IQCM: variants seen among roughly 807,000 people sequenced by gnomAD.
IQCM encodes the protein IQ domain-containing protein M.
Under a neutral mutation model 57.6 loss-of-function variants are expected in IQCM, and 45 were observed. The ratio of observed to expected loss-of-function variants is 0.78; its 90% CI spans 0.62 to 1.00. The LOEUF (loss-of-function observed/expected upper bound fraction) is 1.00. Among genes scored for constraint, IQCM ranks in the 50% least tolerant of loss-of-function variants. The probability of loss-of-function intolerance (pLI) is 0.00; values close to 1 mark genes in which losing one functional copy is unlikely to be tolerated. For synonymous variants in IQCM, 148 were observed against 158.9 expected, an observed-to-expected ratio of 0.93 and a Z score of 0.51; for missense variants, 468 against 511.6, an observed-to-expected ratio of 0.91 and a Z score of 0.82.
chr4:149,724,386 A>G (rs544736872), intron 5 of IQCM, among the ~76,000 whole-genome samples: 28 of 152,192 alleles, frequency 1.8e-4, no homozygotes, highest in African/African-American at 6.7e-4. Flanking sequence ...TTAAAGCATT[A>G]TTACAATTTA....
At chr4:149,420,280 G>T (rs1472304154) in intron 13 of IQCM, among the ~76,000 whole-genome samples, 3 of 151,986 alleles carry the variant, frequency 2.0e-5, no homozygotes, top group Non-Finnish European at 4.4e-5. Context: ...AAGAAAATGT[G>T]GTACATATAC....
At chr4:149,410,684 C>T (rs1204312163) in intron 13 of IQCM, among the ~76,000 whole-genome samples, 1 of 151,584 alleles carries the variant, frequency 6.6e-6, no homozygotes, top group East Asian at 1.9e-4. Context: ...TTATGAAGAG[C>T]TATTTTCAAT....
At chr4:149,528,178 G>C (rs1341615283) in intron 12 of IQCM, among the ~76,000 whole-genome samples, 1 of 151,864 alleles carries the variant, frequency 6.6e-6, no homozygotes, top group African/African-American at 2.4e-5. Flanking sequence ...TAGAGATGGG[G>C]TTTCACCACG....
chr4:149,582,335 T>C (rs866195996), intron 9 of IQCM, among the ~76,000 whole-genome samples: 1 of 34,084 alleles, frequency 2.9e-5, no homozygotes, highest in Admixed American at 2.2e-4. Context: ...TATATATATA[T>C]ATATATATAT....
At chr4:149,432,614 A>G (rs1467104098) in intron 13 of IQCM, among the ~76,000 whole-genome samples, 3 of 152,056 alleles carry the variant, frequency 2.0e-5, no homozygotes, top group Admixed American at 6.6e-5. Flanking sequence ...AGCATGCAAT[A>G]AAGAAACACA....
chr4:149,403,307 G>C (rs17488744), intron 13 of IQCM, among the ~76,000 whole-genome samples: 33,198 of 151,840 alleles, frequency 0.22, 4,566 homozygotes, highest in Non-Finnish European at 0.3. Context: ...TATGTCCAAA[G>C]CACTTACGTA....
At chr4:149,477,179 A>G (rs2149742125) in intron 12 of IQCM, among the ~76,000 whole-genome samples, 1 of 152,348 alleles carries the variant, frequency 6.6e-6, no homozygotes, top group South Asian at 2.1e-4. Context: ...GTTAAAACTA[A>G]AGGTCCAAAT....
rs532468014 is a variant in IQCM at position 149,493,499 on chromosome 4, C to T, written c.1228+54956G>A. ...GTTCATCCAAGCAGGTATAGAAATG[C>T]TTGTTAGCATATATTATCTCCCCAA... On this transcript the variant is annotated intron_variant, in intron 12 of 13. Coordinates refer to ENST00000636793, the MANE Select transcript of IQCM (RefSeq NM_001363507.2). 9.2e-5 allele frequency among the ~76,000 whole-genome samples: 14 copies of T among 152,106 alleles called. No individual in the cohort carries two copies. In the South Asian group the frequency reaches 2.9e-3, roughly 32 times the overall value.
chr4:149,709,755 C>T (rs926817744), intron 5 of IQCM, among the ~76,000 whole-genome samples: 1 of 152,072 alleles, frequency 6.6e-6, no homozygotes, highest in Non-Finnish European at 1.5e-5. Flanking sequence ...AACAAACCAT[C>T]ATTCTGGACT....
At chr4:149,686,516 G>C (rs1762556359) in intron 5 of IQCM, 48 bp from the exon 6 acceptor site, 9 of 776,468 alleles carry the variant, frequency 1.2e-5, no homozygotes, top group Non-Finnish European at 1.6e-5. Context: ...TTTTCAAGTT[G>C]TAAGTGCATT....
intron 7 of IQCM, among the ~76,000 whole-genome samples, chr4:149,654,268 A>T (rs1401970284): frequency 6.6e-6 from 1 of 152,132 alleles, no homozygotes; most frequent in African/African-American, 2.4e-5. Context: ...GTCCCCACCA[A>T]ATCTTATGTT....
intron 13 of IQCM, among the ~76,000 whole-genome samples, chr4:149,404,592 G>A (rs1395628062): frequency 2.6e-5 from 4 of 152,078 alleles, no homozygotes; most frequent in Non-Finnish European, 4.4e-5. Flanking sequence ...GAAAGGTGGT[G>A]TTTATTTCTT....
At chr4:149,498,530 G>A (rs1268051566) in intron 12 of IQCM, among the ~76,000 whole-genome samples, 1 of 152,132 alleles carries the variant, frequency 6.6e-6, no homozygotes, top group African/African-American at 2.4e-5. Context: ...CCCTGGTACA[G>A]CAGGCTCTGA....
intron 8 of IQCM, among the ~76,000 whole-genome samples, chr4:149,606,458 C>A (rs1754791458): frequency 6.6e-6 from 1 of 152,080 alleles, no homozygotes; most frequent in Non-Finnish European, 1.5e-5. Context: ...AAGCCCAAAC[C>A]ACAAAGGTTG....
At chr4:149,636,030 C>A (rs1488015387) in intron 7 of IQCM, among the ~76,000 whole-genome samples, 1 of 152,038 alleles carries the variant, frequency 6.6e-6, no homozygotes, top group Non-Finnish European at 1.5e-5. Flanking sequence ...ACGTAGAGTT[C>A]TATGTTTACT....
chr4:149,563,664 A>G, intron 10 of IQCM, 28 bp downstream of exon 10: 2 of 1,211,482 alleles, frequency 1.7e-6, no homozygotes, highest in Non-Finnish European at 2.1e-6. Context: ...AATTTTAAAC[A>G]CATTATAATA....
chr4:149,466,617 A>G (rs747195780), intron 12 of IQCM, among the ~76,000 whole-genome samples: 3 of 152,246 alleles, frequency 2.0e-5, no homozygotes, highest in South Asian at 2.1e-4. Context: ...GCCAGTGGGA[A>G]GACAGATGAG....
chr4:149,701,192 G>A (rs1044238974), intron 5 of IQCM, among the ~76,000 whole-genome samples: 1 of 151,986 alleles, frequency 6.6e-6, no homozygotes, highest in Non-Finnish European at 1.5e-5. Flanking sequence ...ACTGTCTGAG[G>A]AAACCTGAGA....
intron 2 of IQCM, among the ~76,000 whole-genome samples, chr4:149,781,620 A>G (rs1402133827): frequency 3.9e-5 from 6 of 152,218 alleles, no homozygotes; most frequent in Non-Finnish European, 8.8e-5. Context: ...TAACATATGA[A>G]TTAAACTTAA....
Sources: allele counts gnomAD v4.1 joint callset (sites outside exome capture counted in the v4.1 genomes callset), GRCh38; gene constraint gnomAD v4.1.1; transcripts MANE v1.5; gene names NCBI Gene and HGNC (gene_info 2026-07-23, HGNC 2026-07-21).